The following SH2B2 variants were observed in gnomAD, a reference collection of about 807,000 sequenced individuals.
SH2B2 encodes the protein SH2B adaptor protein 2, also known as SH2B adapter protein 2.
In SH2B2, 37 loss-of-function variants were observed where a neutral mutation model predicts 35.7. That is an observed-to-expected ratio of 1.04 (90% CI 0.80 to 1.36). SH2B2 has a LOEUF of 1.36. Among genes scored for constraint, SH2B2 ranks in the 40% most tolerant of loss-of-function variants. The pLI is 0.00. For synonymous variants in SH2B2, 383 were observed against 376.4 expected (o/e 1.02, Z -0.20); for missense variants, 852 against 817.7 (o/e 1.04, Z -0.51).
At chr7:102,286,105 A>G (rs1792435459), upstream of SH2B2, among the ~76,000 whole-genome samples, 1 of 152,238 alleles carries the variant, frequency 6.6e-6, no homozygotes, top group Admixed American at 6.5e-5. Context: ...GGCAGGGGTG[A>G]GGAAGGTGCC....
At chr7:102,303,045 C>A (rs1440571241) in intron 2 of SH2B2, among the ~76,000 whole-genome samples, 1 of 151,730 alleles carries the variant, frequency 6.6e-6, no homozygotes, top group African/African-American at 2.4e-5. Context: ...ACCAGCCTGA[C>A]CAACATGGAG....
At chr7:102,296,424 C>T (rs558679071) in intron 1 of SH2B2, among the ~76,000 whole-genome samples, 1 of 152,140 alleles carries the variant, frequency 6.6e-6, no homozygotes, top group Non-Finnish European at 1.5e-5. Flanking sequence ...GTCGCTTGTC[C>T]CCCAACACTA....
intron 1 of SH2B2, among the ~76,000 whole-genome samples, chr7:102,290,083 G>A (rs868928760): frequency 3.5e-5 from 3 of 86,134 alleles, no homozygotes; most frequent in Non-Finnish European, 5.0e-5. Context: ...GGATTCCCCC[G>A]CCCCCCCACC....
In SH2B2 at chr7:102,320,319, C is replaced by G. The variant is rs782188084; in HGVS notation, c.1396-12C>G. 43 of 1,607,198 alleles carry G rather than the reference C, an allele frequency of 2.7e-5. No individual in the cohort carries two copies. Among genetic ancestry groups the G allele is most frequent in the Non-Finnish European group, 3.6e-5 (43 of 1,178,798 alleles). On this transcript the variant is annotated splice_polypyrimidine_tract_variant and intron_variant, in intron 7 of 8. Coordinates refer to ENST00000444095, the MANE Select transcript of SH2B2 (RefSeq NM_001359228.2). ...CGGACCTGCCCCTGACCACACCCAC[C>G]TGTACCCACAGCACCTGCGCCTGTC...
At chr7:102,316,487 T>C (rs1563567626) in intron 6 of SH2B2, among the ~76,000 whole-genome samples, 1 of 152,034 alleles carries the variant, frequency 6.6e-6, no homozygotes, top group Non-Finnish European at 1.5e-5. Context: ...CTTGGGAGGC[T>C]GAGGCAGGAG....
intron 1 of SH2B2, among the ~76,000 whole-genome samples, chr7:102,299,894 T>C (rs1434673056): frequency 6.6e-6 from 1 of 152,214 alleles, no homozygotes; most frequent in Non-Finnish European, 1.5e-5. Context: ...CTGCCCCTTC[T>C]GCAGACACCA....
intron 8 of SH2B2, among the ~76,000 whole-genome samples, chr7:102,320,767 A>T (rs1451173894): frequency 1.3e-5 from 2 of 150,668 alleles, no homozygotes; most frequent in Non-Finnish European, 3.0e-5. Context: ...AGGTGGGTGT[A>T]TGGGGGTGGG....
rs781973975 is a variant in SH2B2 at position 102,320,513 on chromosome 7, G to A, written c.1567+11G>A. On this transcript the variant is annotated intron_variant, in intron 8 of 8. Transcript: ENST00000444095. Reference sequence around the variant, plus strand: ...AGGACCCCCCACCAGGTAAGATGCCGCCACCTGGCTGGTGTGATTACTCAA... The same window carrying A: ...AGGACCCCCCACCAGGTAAGATGCCACCACCTGGCTGGTGTGATTACTCAA... The A allele has an allele frequency of 1.7e-5, 28 of 1,608,240 alleles. No individual in the cohort carries two copies. In the East Asian group the frequency reaches 2.0e-4, roughly 12 times the overall value.
chr7:102,293,764 C>G (rs1262778679), intron 1 of SH2B2, among the ~76,000 whole-genome samples: 1 of 152,020 alleles, frequency 6.6e-6, no homozygotes, highest in Non-Finnish European at 1.5e-5. Context: ...AATCAGGAGC[C>G]CCTAGAAGCC....
chr7:102,318,936 G>A (rs1203153958), intron 7 of SH2B2, among the ~76,000 whole-genome samples: 4 of 152,186 alleles, frequency 2.6e-5, no homozygotes, highest in Non-Finnish European at 5.9e-5. Context: ...CCAGAGGCTA[G>A]GATGGGGGAA....
intron 1 of SH2B2, among the ~76,000 whole-genome samples, chr7:102,292,770 C>G (rs782176387): frequency 3.3e-5 from 5 of 152,182 alleles, no homozygotes; most frequent in Non-Finnish European, 7.3e-5. Context: ...ACTGCCCACC[C>G]CAGGACATAG....
At position 102,308,852 on chromosome 7, in the gene SH2B2, ACT is replaced by A; in HGVS notation, c.874_875del (p.Leu292AlafsTer8). The stretch of plus-strand genomic sequence containing the variant: ...GCCGAATACATCTTGGAGACCATCG[ACT>A]CTCTGCAGAAGCACTCGTGGGTAGC... On this transcript the variant is annotated frameshift_variant, in exon 4 of 9. Coordinates refer to ENST00000444095, the MANE Select transcript of SH2B2 (RefSeq NM_001359228.2). LOFTEE classifies it high-confidence loss of function. 1.2e-6 allele frequency: 2 copies of A among 1,612,944 alleles called. No homozygotes were observed. The highest frequency in any genetic ancestry group is 1.7e-6 in the Non-Finnish European group (2 of 1,179,698).
In SH2B2 at chr7:102,321,562, G is replaced by A; in HGVS notation, c.1831G>A (p.Ala611Thr). ...RLLEAVAATAAEEPPEAAPGR... is the reference protein window; with the variant it reads ...RLLEAVAATATEEPPEAAPGR... The stretch of plus-strand genomic sequence containing the variant: ...GCTGGAGGCCGTGGCCGCCACCGCC[G>A]CCGAGGAGCCCCCGGAGGCCGCGCC... The change falls in exon 9 of 9, where the codon GCC becomes ACC. Residue 611 changes from alanine to threonine, a missense_variant. By Grantham distance (58) the Ala-to-Thr change is moderately conservative (BLOSUM62 0). Coordinates refer to ENST00000444095, the MANE Select transcript of SH2B2 (RefSeq NM_001359228.2). 1.7e-6 allele frequency: 2 copies of A among 1,153,884 alleles called. No homozygotes were observed. The highest frequency in any genetic ancestry group is 8.5e-5 in the East Asian group (2 of 23,444). 71.5% of individuals were successfully genotyped at this position (1,153,884 alleles called of 1,614,324 possible). A position where few individuals can be genotyped will look rare whatever the true frequency, so the allele number is the denominator to read the frequency against.
At chr7:102,292,680 G>C (rs141898584) in intron 1 of SH2B2, among the ~76,000 whole-genome samples, 1 of 151,430 alleles carries the variant, frequency 6.6e-6, no homozygotes, top group African/African-American at 2.4e-5. Flanking sequence ...ACCCCAGCCT[G>C]GGCCACAGAG....
intron 1 of SH2B2, among the ~76,000 whole-genome samples, chr7:102,296,572 C>T (rs1554552541): frequency 3.9e-5 from 6 of 152,310 alleles, no homozygotes; most frequent in South Asian, 2.1e-4. Context: ...AATGGCAAGG[C>T]CCCCAGGTGA....
At chr7:102,309,150 C>G (rs189444506) in intron 4 of SH2B2, 7 of 626,820 alleles carry the variant, frequency 1.1e-5, no homozygotes, top group Admixed American at 8.4e-5. Context: ...GGAAGTTGGA[C>G]CAGGTCTTGT....
At chr7:102,315,081 C>T (rs76697122) in intron 6 of SH2B2, among the ~76,000 whole-genome samples, 2 of 151,986 alleles carry the variant, frequency 1.3e-5, no homozygotes, top group South Asian at 2.1e-4. Context: ...CACAGCTACT[C>T]GGGAGGCTGA....
upstream of SH2B2, among the ~76,000 whole-genome samples, chr7:102,285,857 C>CTACT (rs1792424635): frequency 6.6e-6 from 1 of 152,144 alleles, no homozygotes; most frequent in Non-Finnish European, 1.5e-5. Context: ...AGGAGCAAGA[C>CTACT]TACTCTCTTC....
Position 102,306,708 on chromosome 7 carries a change from T to G in SH2B2, c.730-13T>G. On this transcript the variant is annotated splice_polypyrimidine_tract_variant and intron_variant, in intron 2 of 8. Transcript: ENST00000444095. ...ATGCTGGGGCCACTCACTATCCTTC[T>G]TCTGGCCCCCAGGCCTCCAGGCCCA... 1 of 1,567,690 alleles carries G rather than the reference T, an allele frequency of 6.4e-7. No individual in the cohort carries two copies. The highest frequency in any genetic ancestry group is 8.7e-7 in the Non-Finnish European group (1 of 1,153,912).
Sources: allele counts gnomAD v4.1 joint callset (sites outside exome capture counted in the v4.1 genomes callset), GRCh38; gene constraint gnomAD v4.1.1; transcripts MANE v1.5; gene names NCBI Gene and HGNC (gene_info 2026-07-23, HGNC 2026-07-21).